The following FAM20C variants were observed in gnomAD, a reference collection of about 807,000 sequenced individuals.
FAM20C encodes FAM20C golgi associated secretory pathway kinase, also known as extracellular serine/threonine protein kinase FAM20C.
Under a neutral mutation model 51.5 loss-of-function variants are expected in FAM20C, and 40 were observed. The observed-to-expected ratio is 0.78, with a 90% CI of 0.60 to 1.01. The LOEUF is 1.01. Among genes scored for constraint, FAM20C ranks in the 50% least tolerant of loss-of-function variants. FAM20C has a pLI of 0.00. For missense variants in FAM20C, 861 were observed against 844.7 expected, an observed-to-expected ratio of 1.02 and a Z score of -0.24; for synonymous variants, 406 against 380.6, an observed-to-expected ratio of 1.07 and a Z score of -0.78.
At chr7:256,438 C>T in intron 6 of FAM20C, 1 of 589,790 alleles carries the variant, frequency 1.7e-6, no homozygotes, top group Admixed American at 3.0e-5. Context: ...GAGGTGAAGG[C>T]AGCTCCAGGT....
chr7:216,678 T>C (rs1199349980), intron 3 of FAM20C, among the ~76,000 whole-genome samples: 1 of 110,270 alleles, frequency 9.1e-6, no homozygotes, highest in Non-Finnish European at 1.9e-5. Context: ...ACAGAGTGTG[T>C]GTGAGAGTGT....
At chr7:249,613 A>T (rs1354365001) in intron 5 of FAM20C, among the ~76,000 whole-genome samples, 1 of 152,062 alleles carries the variant, frequency 6.6e-6, no homozygotes, top group East Asian at 1.9e-4. Flanking sequence ...GGTGGCGCTT[A>T]TCTGTGGTCC....
At chr7:224,252 C>CG (rs1387795091) in intron 3 of FAM20C, among the ~76,000 whole-genome samples, 218 of 79,806 alleles carry the variant, frequency 2.7e-3, no homozygotes, top group African/African-American at 9.2e-3. Flanking sequence ...GGCACTGTCA[C>CG]GGGGTCGCAT....
At chr7:248,231 G>A (rs1167407126) in intron 4 of FAM20C, 84 bp from the exon 5 acceptor site, 1 of 976,264 alleles carries the variant, frequency 1.0e-6, no homozygotes, top group Non-Finnish European at 1.5e-6. Flanking sequence ...ACCCTCCCCT[G>A]CCCCGTTCTT....
intron 3 of FAM20C, chr7:227,491 G>C (rs1787491843): frequency 6.6e-6 from 1 of 151,916 alleles, no homozygotes; most frequent in East Asian, 1.9e-4. Flanking sequence ...AACATCTAGG[G>C]CTCCACGGAG....
At chr7:215,157 T>C (rs905874065) in intron 3 of FAM20C, among the ~76,000 whole-genome samples, 6 of 148,440 alleles carry the variant, frequency 4.0e-5, no homozygotes, top group African/African-American at 1.5e-4. Flanking sequence ...ATGTACAGAG[T>C]GAAAGAGAAA....
intron 3 of FAM20C, among the ~76,000 whole-genome samples, chr7:237,845 T>TGATGGTG (rs1583323562): frequency 0.052 from 40 of 762 alleles, no homozygotes; most frequent in East Asian, 0.065. Context: ...ATAGTGATGA[T>TGATGGTG]GNNNNNNNNN....
chr7:252,405 A>T (rs1788436097), intron 5 of FAM20C, among the ~76,000 whole-genome samples: 1 of 150,904 alleles, frequency 6.6e-6, no homozygotes, highest in African/African-American at 2.4e-5. Context: ...CCGACCAAGG[A>T]TGCCAGGTCA....
chr7:255,868 C>T lies in FAM20C; in HGVS notation c.1092C>T (p.Tyr364=), dbSNP rs137978439. The T allele has an allele frequency of 1.6e-3, 2,487 of 1,536,434 alleles. 31 individuals carry two copies. The African/African-American group carries it at 0.029, about 18-fold the overall frequency. The change falls in exon 6 of 10, where the codon TAC becomes TAT. Residue 364 remains tyrosine (Y), a synonymous_variant. Transcript: ENST00000313766. The part of the protein sequence containing the change: ...FISPANNICF[Y]GECSYYCSTE... ...CCCCAGCCAACAACATCTGCTTCTA[C>T]GGCGAGTGTTCCTACTACTGCTCCA...
intron 3 of FAM20C, among the ~76,000 whole-genome samples, chr7:230,945 G>A (rs548941932): frequency 1.1e-4 from 16 of 152,280 alleles, no homozygotes; most frequent in East Asian, 3.9e-4. Flanking sequence ...GCTGGACCCC[G>A]GTGGGTCCTA....
intron 3 of FAM20C, among the ~76,000 whole-genome samples, chr7:218,900 A>C (rs1402249708): frequency 6.6e-6 from 1 of 151,792 alleles, no homozygotes; most frequent in South Asian, 2.1e-4. Context: ...ACACGGGCCC[A>C]GGACGCACAG....
intron 3 of FAM20C, among the ~76,000 whole-genome samples, chr7:217,646 A>T (rs28753906): frequency 6.6e-6 from 1 of 152,042 alleles, no homozygotes; most frequent in Non-Finnish European, 1.5e-5. Context: ...TCTCGCACCC[A>T]TGTCTAGGGC....
At chr7:202,631 GAA>G (rs1786187127) in intron 2 of FAM20C, among the ~76,000 whole-genome samples, 1 of 147,266 alleles carries the variant, frequency 6.8e-6, no homozygotes. Context: ...TGCATAGAGA[GAA>G]TGGGTGGCTG....
intron 3 of FAM20C, among the ~76,000 whole-genome samples, chr7:245,026 C>T (rs938137305): frequency 2.6e-5 from 4 of 152,194 alleles, no homozygotes; most frequent in African/African-American, 7.2e-5. Flanking sequence ...CCCGAAGGGA[C>T]GTGGACATGA....
At chr7:229,902 G>A (rs1466630887) in intron 3 of FAM20C, among the ~76,000 whole-genome samples, 1 of 152,106 alleles carries the variant, frequency 6.6e-6, no homozygotes, top group African/African-American at 2.4e-5. Flanking sequence ...GGAGGAATAA[G>A]AAAGTGTCTG....
intron 4 of FAM20C, among the ~76,000 whole-genome samples, chr7:247,055 C>T (rs917478510): frequency 2.6e-5 from 4 of 152,176 alleles, no homozygotes; most frequent in African/African-American, 9.6e-5. Context: ...GTATTAAGTG[C>T]TGCGAATCTT....
chr7:240,904 C>A (rs1787928100), intron 3 of FAM20C, among the ~76,000 whole-genome samples: 1 of 152,166 alleles, frequency 6.6e-6, no homozygotes, highest in Admixed American at 6.5e-5. Flanking sequence ...GGGCGGAGGG[C>A]TGCGGGCTTG....
intron 4 of FAM20C, 116 bp downstream of exon 4, chr7:246,623 G>GCA (rs1788175391): frequency 1.9e-6 from 1 of 520,390 alleles, no homozygotes; most frequent in African/African-American, 2.8e-5. Flanking sequence ...TCACCATCAG[G>GCA]CAGCGCCGGT....
rs376163402 is a variant in FAM20C, at chr7:256,043, CG to C, written c.1253+20del. The C allele has an allele frequency of 5.9e-6, 9 of 1,532,266 alleles. No individual in the cohort carries two copies. The highest frequency in any genetic ancestry group is 1.4e-5 in the African/African-American group (1 of 72,986). 94.9% of individuals were successfully genotyped at this position (1,532,266 alleles called of 1,614,324 possible). A position where few individuals can be genotyped will look rare whatever the true frequency, so the allele number is the denominator to read the frequency against. On this transcript the variant is annotated intron_variant, in intron 6 of 9. Transcript: ENST00000313766. ...CAAGAAGGCCGAGTGAGTGCGGGGC[CG>C]GGGGGCTGGCGTCCGGCCACCCTAC...
Sources: gnomAD v4.1 joint callset for allele counts (sites outside exome capture counted in the v4.1 genomes callset) on GRCh38, gnomAD v4.1.1 for gene constraint, MANE v1.5 for transcripts, NCBI Gene and HGNC (gene_info 2026-07-23, HGNC 2026-07-21) for gene names.